The following VPS13A variants were observed in gnomAD, a reference collection of about 807,000 sequenced individuals.
VPS13A encodes the protein intermembrane lipid transfer protein VPS13A.
In VPS13A, 264 loss-of-function variants were observed where a neutral mutation model predicts 390.9. That is an observed-to-expected ratio of 0.68 (90% CI 0.61 to 0.75). VPS13A has a LOEUF of 0.75. Among genes scored for constraint, VPS13A ranks in the 30% least tolerant of loss-of-function variants. VPS13A has a pLI of 0.00. For synonymous variants in VPS13A, 1,231 were observed against 1,227.1 expected, an observed-to-expected ratio of 1.00 and a Z score of -0.07; for missense variants, 3,409 against 3,733.9, an observed-to-expected ratio of 0.91 and a Z score of 2.27.
chr9:77,306,414 TTGTG>T (rs60382346), intron 34 of VPS13A, among the ~76,000 whole-genome samples: 2,281 of 140,850 alleles, frequency 0.016, 19 homozygotes, highest in African/African-American at 0.027. Context: ...GTGTGTGTGT[TTGTG>T]TGTGTGTGTG....
At chr9:77,307,037 G>T (rs1828796241) in intron 34 of VPS13A, among the ~76,000 whole-genome samples, 2 of 151,756 alleles carry the variant, frequency 1.3e-5, no homozygotes, top group African/African-American at 4.8e-5. Context: ...CACCTGAGTA[G>T]CTGGGATTAC....
At chr9:77,182,640 A>G (rs1229843322) in intron 1 of VPS13A, among the ~76,000 whole-genome samples, 1 of 152,194 alleles carries the variant, frequency 6.6e-6, no homozygotes, top group Non-Finnish European at 1.5e-5. Flanking sequence ...GTGTGATAGA[A>G]TTATCATTTG....
intron 68 of VPS13A, among the ~76,000 whole-genome samples, chr9:77,401,589 C>G (rs1453868809): frequency 6.6e-6 from 1 of 151,954 alleles, no homozygotes; most frequent in Non-Finnish European, 1.5e-5. Context: ...CTTCCATTTC[C>G]AAATTGATTA....
intron 1 of VPS13A, among the ~76,000 whole-genome samples, chr9:77,179,524 C>T (rs535009036): frequency 8.5e-5 from 13 of 152,138 alleles, no homozygotes; most frequent in Non-Finnish European, 1.3e-4. Flanking sequence ...CCACTGCGCC[C>T]GCCTGACTGT....
intron 1 of VPS13A, among the ~76,000 whole-genome samples, chr9:77,180,186 CAAGTTTTTTTGTGG>C: frequency 6.9e-6 from 1 of 145,170 alleles, no homozygotes; most frequent in South Asian, 2.2e-4. Context: ...CATTCATGTA[CAAGTTTTTTTGTGG>C]ATGTATGTTT....
At chr9:77,384,226 A>T (rs553953559) in intron 68 of VPS13A, among the ~76,000 whole-genome samples, 1 of 151,952 alleles carries the variant, frequency 6.6e-6, no homozygotes, top group South Asian at 2.1e-4. Flanking sequence ...ATTAAATATA[A>T]AATACATTCT....
intron 45 of VPS13A, among the ~76,000 whole-genome samples, chr9:77,330,866 A>G (rs1830242664): frequency 6.6e-6 from 1 of 151,904 alleles, no homozygotes; most frequent in Non-Finnish European, 1.5e-5. Flanking sequence ...CCTTGAGGTA[A>G]TATCAATTTG....
intron 52 of VPS13A, among the ~76,000 whole-genome samples, chr9:77,350,487 G>A (rs1338367423): frequency 1.3e-5 from 2 of 152,112 alleles, no homozygotes; most frequent in African/African-American, 4.8e-5. Context: ...TTTGTGGATA[G>A]TGTTATGCTA....
intron 34 of VPS13A, among the ~76,000 whole-genome samples, chr9:77,306,916 T>A (rs1051885898): frequency 1.3e-5 from 2 of 150,856 alleles, no homozygotes; most frequent in Admixed American, 6.6e-5. Context: ...CTTTATTTTT[T>A]TTTTTTTTTT....
At chr9:77,180,155 A>G (rs920745600) in intron 1 of VPS13A, among the ~76,000 whole-genome samples, 1 of 152,060 alleles carries the variant, frequency 6.6e-6, no homozygotes, top group Non-Finnish European at 1.5e-5. Flanking sequence ...CCTTTTGGAT[A>G]TTATGAATAA....
chr9:77,256,010 G>A (rs1825420218), intron 22 of VPS13A, among the ~76,000 whole-genome samples: 1 of 150,844 alleles, frequency 6.6e-6, no homozygotes, highest in African/African-American at 2.4e-5. Flanking sequence ...TTTCATCTTT[G>A]TTATTTTTTT....
chr9:77,316,994 A>G (rs1482156928), intron 39 of VPS13A, among the ~76,000 whole-genome samples: 3 of 152,030 alleles, frequency 2.0e-5, no homozygotes, highest in African/African-American at 7.2e-5. Context: ...ACTTACAAAA[A>G]TATTTGAGCT....
At chr9:77,238,633 C>T (rs1351053346) in intron 19 of VPS13A, among the ~76,000 whole-genome samples, 1 of 152,156 alleles carries the variant, frequency 6.6e-6, no homozygotes, top group Admixed American at 6.5e-5. Context: ...GCTTAGGATA[C>T]TTGGACCTCT....
At chr9:77,415,682 C>T (rs1835143373) in intron 71 of VPS13A, among the ~76,000 whole-genome samples, 1 of 152,056 alleles carries the variant, frequency 6.6e-6, no homozygotes, top group Non-Finnish European at 1.5e-5. Flanking sequence ...GAATTTTTTT[C>T]TTTCAGGCTG....
intron 13 of VPS13A, among the ~76,000 whole-genome samples, chr9:77,223,411 T>C (rs1245620609): frequency 6.6e-6 from 1 of 152,182 alleles, no homozygotes; most frequent in Non-Finnish European, 1.5e-5. Flanking sequence ...AAAGCAGAGA[T>C]AGGCCAAAAG....
intron 68 of VPS13A, among the ~76,000 whole-genome samples, chr9:77,400,223 ATTT>A (rs34605855): frequency 0.13 from 11,109 of 87,816 alleles, 373 homozygotes; most frequent in African/African-American, 0.17. Context: ...TATCAGTCAG[ATTT>A]TTTTTTTTTT....
intron 52 of VPS13A, among the ~76,000 whole-genome samples, chr9:77,345,948 A>G (rs1171316908): frequency 6.6e-6 from 1 of 152,086 alleles, no homozygotes; most frequent in South Asian, 2.1e-4. Flanking sequence ...TTAATTATCC[A>G]TATTATAAAA....
intron 3 of VPS13A, among the ~76,000 whole-genome samples, chr9:77,203,785 C>T (rs1422050903): frequency 1.3e-5 from 2 of 152,038 alleles, no homozygotes; most frequent in Non-Finnish European, 2.9e-5. Context: ...ACAGTTTTTT[C>T]ACAATCTTAT....
At chr9:77,339,494 G>GTTTTTTTTTTTTTTTTTTTTTTTTTT in intron 47 of VPS13A, 22 bp from the exon 48 acceptor site, 4 of 1,343,316 alleles carry the variant, frequency 3.0e-6, no homozygotes, top group Non-Finnish European at 3.0e-6. Flanking sequence ...ATTTTGTTTT[G>GTTTTTTTTTTTTTTTTTTTTTTTTTT]TTTTTTTTTT....
Sources: allele counts gnomAD v4.1 joint callset (sites outside exome capture counted in the v4.1 genomes callset), GRCh38; gene constraint gnomAD v4.1.1; transcripts MANE v1.5; gene names NCBI Gene and HGNC (gene_info 2026-07-23, HGNC 2026-07-21).